ASTN2: variants seen among roughly 807,000 people sequenced by gnomAD.
ASTN2 encodes astrotactin 2.
A neutral mutation model predicts 139.8 loss-of-function variants in ASTN2; 54 were observed. The ratio of observed to expected loss-of-function variants is 0.39; its 90% CI spans 0.31 to 0.48. ASTN2 has a LOEUF of 0.48. ASTN2 is among the 20% of genes least tolerant of loss of function. The probability of loss-of-function intolerance (pLI) is 0.95; values close to 1 mark genes in which losing one functional copy is unlikely to be tolerated. For missense variants in ASTN2, 1,565 were observed against 1,725.1 expected (o/e 0.91, Z 1.64); for synonymous variants, 756 against 719.5 (o/e 1.05, Z -0.81).
intron 20 of ASTN2, among the ~76,000 whole-genome samples, chr9:116,456,983 G>C (rs1180645313): frequency 6.6e-6 from 1 of 151,894 alleles, no homozygotes; most frequent in African/African-American, 2.4e-5. Context: ...AAAACTGCAT[G>C]GTACTGTCAT....
At chr9:117,387,407 T>C (rs1395127808) in intron 1 of ASTN2, among the ~76,000 whole-genome samples, 1 of 152,152 alleles carries the variant, frequency 6.6e-6, no homozygotes, top group Non-Finnish European at 1.5e-5. Flanking sequence ...GGAACTTATA[T>C]ATAAAACAGG....
chr9:116,973,844 T>C lies in ASTN2; in HGVS notation c.1889+1364A>G, dbSNP rs553598487. 3.9e-5 allele frequency among the ~76,000 whole-genome samples: 6 copies of C among 152,328 alleles called. No individual in the cohort carries two copies. The East Asian group carries it at 1.2e-3, about 29-fold the overall frequency. ...TAAGTGCCATCTCTTTATAAATCTA[T>C]TCTTTTTAAAACATCCTCTTTTGGG... On this transcript the variant is annotated intron_variant, in intron 10 of 22. Coordinates refer to ENST00000313400, the MANE Select transcript of ASTN2 (RefSeq NM_001365068.1).
intron 16 of ASTN2, among the ~76,000 whole-genome samples, chr9:116,655,397 C>CA (rs1858151328): frequency 6.6e-6 from 1 of 152,188 alleles, no homozygotes; most frequent in African/African-American, 2.4e-5. Flanking sequence ...GGTTAAAGAC[C>CA]AAAACCATTA....
chr9:116,747,579 A>G (rs1323498780), intron 13 of ASTN2, among the ~76,000 whole-genome samples: 2 of 152,152 alleles, frequency 1.3e-5, no homozygotes, highest in East Asian at 3.9e-4. Context: ...GGAGTCATGT[A>G]CAATTGAATC....
At chr9:116,938,716 A>C (rs1835147079) in intron 10 of ASTN2, among the ~76,000 whole-genome samples, 1 of 152,196 alleles carries the variant, frequency 6.6e-6, no homozygotes, top group African/African-American at 2.4e-5. Context: ...GCTTCAATAT[A>C]TTATCACAAT....
chr9:117,012,915 C>T (rs1266615354), intron 6 of ASTN2, among the ~76,000 whole-genome samples: 1 of 152,208 alleles, frequency 6.6e-6, no homozygotes, highest in African/African-American at 2.4e-5. Flanking sequence ...CTGCAGCAGG[C>T]TCTGGTTGAG....
chr9:116,583,038 A>G (rs1854013784), intron 19 of ASTN2: 2 of 152,216 alleles, frequency 1.3e-5, no homozygotes, highest in Non-Finnish European at 2.9e-5. Context: ...GATATTAATC[A>G]AATTATCACA....
intron 10 of ASTN2, among the ~76,000 whole-genome samples, chr9:116,952,619 A>G (rs1373283941): frequency 6.6e-6 from 1 of 152,212 alleles, no homozygotes; most frequent in African/African-American, 2.4e-5. Flanking sequence ...AGGGTAATGA[A>G]TTGCCGTCTT....
chr9:117,410,643 A>G (rs1018075136), intron 1 of ASTN2, among the ~76,000 whole-genome samples: 1 of 152,170 alleles, frequency 6.6e-6, no homozygotes, highest in Non-Finnish European at 1.5e-5. Context: ...TCTAAGCTGC[A>G]TTTTAGCATT....
intron 10 of ASTN2, among the ~76,000 whole-genome samples, chr9:116,889,770 C>G (rs532473852): frequency 3.3e-5 from 4 of 120,322 alleles, no homozygotes; most frequent in Admixed American, 1.7e-4. Context: ...CACACACACA[C>G]AAATAAGAAA....
chr9:116,501,818 A>G (rs11792948), intron 19 of ASTN2, among the ~76,000 whole-genome samples: 81,357 of 151,446 alleles, frequency 0.54, 23,532 homozygotes, highest in Non-Finnish European at 0.64. Flanking sequence ...TAACCTGCAC[A>G]TTGTGCACGC....
chr9:116,726,365 C>A (rs1828624032), intron 15 of ASTN2, among the ~76,000 whole-genome samples: 1 of 152,158 alleles, frequency 6.6e-6, no homozygotes, highest in Admixed American at 6.5e-5. Flanking sequence ...CAACAACACC[C>A]ATTGTATAAT....
intron 3 of ASTN2, among the ~76,000 whole-genome samples, chr9:117,159,871 A>G (rs997199550): frequency 6.6e-6 from 1 of 152,036 alleles, no homozygotes; most frequent in Non-Finnish European, 1.5e-5. Context: ...GTATTCATCA[A>G]TGTGTTTGTG....
At chr9:116,489,601 T>C (rs1022721) in intron 19 of ASTN2, among the ~76,000 whole-genome samples, 137,748 of 152,236 alleles carry the variant, frequency 0.9, 62,404 homozygotes, top group Admixed American at 0.93. Context: ...ATTATAGGCA[T>C]GAGTCACTGT....
chr9:117,221,767 G>A (rs759723943), intron 2 of ASTN2, among the ~76,000 whole-genome samples: 127 of 152,020 alleles, frequency 8.4e-4, no homozygotes, highest in African/African-American at 2.8e-3. Context: ...CAAGTGATCC[G>A]AGACGTCTCC....
intron 19 of ASTN2, among the ~76,000 whole-genome samples, chr9:116,603,725 C>A (rs190495313): frequency 6.6e-6 from 1 of 152,292 alleles, no homozygotes; most frequent in African/African-American, 2.4e-5. Context: ...TAGGTACCAA[C>A]CTAGCATAAT....
At chr9:116,753,447 A>T (rs887607426) in intron 13 of ASTN2, among the ~76,000 whole-genome samples, 2 of 152,184 alleles carry the variant, frequency 1.3e-5, no homozygotes, top group Non-Finnish European at 2.9e-5. Context: ...TGGTTACATG[A>T]TATTATGCAT....
At chr9:117,243,461 T>C (rs981353600) in intron 2 of ASTN2, among the ~76,000 whole-genome samples, 10 of 152,200 alleles carry the variant, frequency 6.6e-5, no homozygotes, top group Non-Finnish European at 1.5e-4. Flanking sequence ...AATATTCATG[T>C]TTACAATTCC....
intron 17 of ASTN2, among the ~76,000 whole-genome samples, chr9:116,632,202 A>AG (rs1564169031): frequency 1.4e-4 from 5 of 35,172 alleles, no homozygotes; most frequent in Non-Finnish European, 2.1e-4. Flanking sequence ...GAGAGAAAGA[A>AG]AGAAAAGAAA....
Sources: gnomAD v4.1 joint callset for allele counts (sites outside exome capture counted in the v4.1 genomes callset) on GRCh38, gnomAD v4.1.1 for gene constraint, MANE v1.5 for transcripts, NCBI Gene and HGNC (gene_info 2026-07-23, HGNC 2026-07-21) for gene names.